The following CLMP variants were observed in gnomAD, a reference collection of about 807,000 sequenced individuals.
CLMP encodes CXADR like cell adhesion molecule.
In CLMP, 27 loss-of-function variants were observed where a neutral mutation model predicts 45.2. The ratio of observed to expected loss-of-function variants is 0.60; its 90% CI spans 0.44 to 0.82. CLMP has a LOEUF of 0.82. Among genes scored for constraint, CLMP ranks in the 40% least tolerant of loss-of-function variants. The pLI is 0.00. For synonymous variants in CLMP, 167 were observed against 171.4 expected (o/e 0.97, Z 0.20); for missense variants, 403 against 448.4 (o/e 0.90, Z 0.91).
intron 1 of CLMP, among the ~76,000 whole-genome samples, chr11:123,180,661 T>C (rs1463277820): frequency 6.7e-6 from 1 of 150,318 alleles, no homozygotes; most frequent in Non-Finnish European, 1.5e-5. Context: ...GGCAAAGTGA[T>C]AGTGACTAGG....
chr11:123,105,388 C>A (rs1268306335), intron 1 of CLMP, among the ~76,000 whole-genome samples: 1 of 123,184 alleles, frequency 8.1e-6, no homozygotes, highest in African/African-American at 3.2e-5. Flanking sequence ...TCCCTCCCTT[C>A]CTTCCTTCCT....
intron 1 of CLMP, among the ~76,000 whole-genome samples, chr11:123,183,236 GTTGT>G (rs1452855663): frequency 6.6e-6 from 1 of 152,022 alleles, no homozygotes; most frequent in Non-Finnish European, 1.5e-5. Flanking sequence ...TTTTTTTGCT[GTTGT>G]TTGTTTGTTT....
intron 5 of CLMP, among the ~76,000 whole-genome samples, chr11:123,075,111 A>G (rs763540844): frequency 6.6e-6 from 1 of 151,724 alleles, no homozygotes; most frequent in Non-Finnish European, 1.5e-5. Context: ...GTGCACCACC[A>G]CGCCCGGCTA....
At position 123,073,558 on chromosome 11, in the gene CLMP, C is replaced by G; in HGVS notation, c.1038G>C (p.Lys346Asn). 2 of 1,614,208 alleles carry G rather than the reference C, an allele frequency of 1.2e-6. No homozygotes were observed. The highest frequency in any genetic ancestry group is 8.5e-7 in the Non-Finnish European group (1 of 1,180,040). Reference protein sequence around the residue: ...VGPEVRGSEPKKVHHANLTKA... With the variant: ...VGPEVRGSEPNKVHHANLTKA... ...TGGTCAGATTAGCATGGTGGACTTT[C>G]TTTGGTTCAGAACCTCTCACCTCTG... The change falls in exon 7 of 7, where the codon AAG becomes AAC. Residue 346 changes from lysine (K) to asparagine (N), a missense_variant. Transcript: ENST00000448775.
chr11:123,190,176 G>A (rs915664917), intron 1 of CLMP, among the ~76,000 whole-genome samples: 2 of 152,086 alleles, frequency 1.3e-5, no homozygotes, highest in African/African-American at 4.8e-5. Flanking sequence ...CTGGGTGGGG[G>A]GATCGGGCCA....
chr11:123,118,367 TCAG>T (rs1210617391), intron 1 of CLMP, among the ~76,000 whole-genome samples: 1 of 152,176 alleles, frequency 6.6e-6, no homozygotes, highest in Non-Finnish European at 1.5e-5. Flanking sequence ...ACTCCTGACC[TCAG>T]GTGATCTTCC....
At chr11:123,111,200 C>G (rs1381284233) in intron 1 of CLMP, among the ~76,000 whole-genome samples, 1 of 151,976 alleles carries the variant, frequency 6.6e-6, no homozygotes, top group African/African-American at 2.4e-5. Context: ...AGTGCAGTGG[C>G]ACGATCTGGG....
At chr11:123,145,653 G>A (rs1410381619) in intron 1 of CLMP, among the ~76,000 whole-genome samples, 1 of 151,960 alleles carries the variant, frequency 6.6e-6, no homozygotes, top group Non-Finnish European at 1.5e-5. Flanking sequence ...TAGTAGAGAC[G>A]GAGTTTCACC....
At chr11:123,150,757 C>T (rs546867251) in intron 1 of CLMP, among the ~76,000 whole-genome samples, 1 of 152,316 alleles carries the variant, frequency 6.6e-6, no homozygotes, top group Non-Finnish European at 1.5e-5. Context: ...CACTCTGTCG[C>T]TCAGGGTGGA....
intron 1 of CLMP, among the ~76,000 whole-genome samples, chr11:123,106,425 G>A (rs1183816776): frequency 2.2e-5 from 1 of 45,766 alleles, no homozygotes; most frequent in African/African-American, 7.4e-5. Flanking sequence ...GTGTGTGTGT[G>A]CGCGCGCGCG....
intron 1 of CLMP, among the ~76,000 whole-genome samples, chr11:123,177,043 G>C (rs1433985378): frequency 6.6e-6 from 1 of 152,202 alleles, no homozygotes; most frequent in Non-Finnish European, 1.5e-5. Context: ...ATCACATTTT[G>C]AAGGGTAGCA....
At position 123,166,582 on chromosome 11, in the gene CLMP, G is replaced by C. The variant is rs144178443; in HGVS notation, c.28+28331C>G. Among the ~76,000 whole-genome samples the C allele has an allele frequency of 2.5e-3, 377 of 152,362 alleles. 2 individuals are homozygous for C. Among genetic ancestry groups the C allele is most frequent in the Non-Finnish European group, 3.9e-3 (265 of 68,040 alleles). On this transcript the variant is annotated intron_variant, in intron 1 of 6. Coordinates refer to ENST00000448775, the MANE Select transcript of CLMP (RefSeq NM_024769.5). ...CCAGTGTGGGAGAACAGGTCAGCAA[G>C]ACATGGTGCAGCCTGAATGTGAGCT...
chr11:123,083,254 C>A, intron 4 of CLMP, 47 bp from the exon 5 acceptor site: 1 of 1,574,492 alleles, frequency 6.4e-7, no homozygotes, highest in Non-Finnish European at 8.7e-7. Context: ...GTGATGGTAT[C>A]TATATTTATT....
At chr11:123,183,696 A>T (rs548134367) in intron 1 of CLMP, among the ~76,000 whole-genome samples, 1 of 152,282 alleles carries the variant, frequency 6.6e-6, no homozygotes, top group Non-Finnish European at 1.5e-5. Flanking sequence ...TGCGTGAAAC[A>T]AATCTCAAAT....
At position 123,139,811 on chromosome 11, in the gene CLMP, G is replaced by A. The variant is rs564416141; in HGVS notation, c.29-41859C>T. ...AGCCTGGGCAACAGAGCGAGACACCGTCTCGAAATAAAGTAAAATAAAATA... is the reference window on the plus strand; with the variant it reads ...AGCCTGGGCAACAGAGCGAGACACCATCTCGAAATAAAGTAAAATAAAATA... On this transcript the variant is annotated intron_variant, in intron 1 of 6. Transcript: ENST00000448775. 1.2e-4 allele frequency among the ~76,000 whole-genome samples: 18 copies of A among 151,452 alleles called. No homozygotes were observed. The South Asian group carries it at 1.3e-3, about 11-fold the overall frequency.
chr11:123,163,408 C>A (rs562739792), intron 1 of CLMP, among the ~76,000 whole-genome samples: 1 of 152,276 alleles, frequency 6.6e-6, no homozygotes, highest in East Asian at 1.9e-4. Context: ...AGGCTGAAAC[C>A]TGGTCTAGAC....
At chr11:123,180,600 T>TA (rs11353703) in intron 1 of CLMP, among the ~76,000 whole-genome samples, 1,556 of 137,184 alleles carry the variant, frequency 0.011, 21 homozygotes, top group African/African-American at 0.037. Flanking sequence ...TGCATAGGAG[T>TA]AAAAAAAAAA....
intron 1 of CLMP, among the ~76,000 whole-genome samples, chr11:123,139,846 A>G (rs559642612): frequency 6.6e-6 from 1 of 151,438 alleles, no homozygotes; most frequent in East Asian, 1.9e-4. Flanking sequence ...AAAATAGAAT[A>G]AAATAAAATA....
intron 1 of CLMP, among the ~76,000 whole-genome samples, chr11:123,120,265 T>G (rs1296443808): frequency 6.6e-6 from 1 of 152,132 alleles, no homozygotes; most frequent in Non-Finnish European, 1.5e-5. Context: ...CACAAAAATA[T>G]AAAAGTAATA....
Sources: gnomAD v4.1 joint callset for allele counts (sites outside exome capture counted in the v4.1 genomes callset) on GRCh38, gnomAD v4.1.1 for gene constraint, MANE v1.5 for transcripts, NCBI Gene and HGNC (gene_info 2026-07-23, HGNC 2026-07-21) for gene names.